PTPN11: variants seen among roughly 807,000 people sequenced by gnomAD.
PTPN11 encodes the protein protein tyrosine phosphatase non-receptor type 11, also known as tyrosine-protein phosphatase non-receptor type 11.
Under a neutral mutation model 78.8 loss-of-function variants are expected in PTPN11, and 6 were observed. The observed-to-expected ratio is 0.08, with a 90% confidence interval of 0.04 to 0.15. PTPN11 has a LOEUF of 0.15. PTPN11 is among the 10% of genes least tolerant of loss of function. The probability of loss-of-function intolerance (pLI) is 1.00; values close to 1 mark genes in which losing one functional copy is unlikely to be tolerated. For synonymous variants in PTPN11, 221 were observed against 263.5 expected (o/e 0.84, Z 1.56); for missense variants, 386 against 744.8 (o/e 0.52, Z 5.61).
At chr12:112,457,887 C>G (rs188002020) in intron 6 of PTPN11, among the ~76,000 whole-genome samples, 1 of 152,306 alleles carries the variant, frequency 6.6e-6, no homozygotes, top group African/African-American at 2.4e-5. Context: ...CAGTTGTCCC[C>G]AGCATGTAGC....
At chr12:112,445,919 C>T (rs1218826624) in intron 1 of PTPN11, among the ~76,000 whole-genome samples, 1 of 152,118 alleles carries the variant, frequency 6.6e-6, no homozygotes, top group Non-Finnish European at 1.5e-5. Context: ...GGATTACAGG[C>T]GTGAGCCACC....
intron 6 of PTPN11, among the ~76,000 whole-genome samples, chr12:112,461,234 T>G (rs2038241714): frequency 1.3e-5 from 2 of 152,214 alleles, no homozygotes; most frequent in African/African-American, 4.8e-5. Context: ...TATTGTAATT[T>G]TATCATTCTT....
chr12:112,450,628 A>G, intron 3 of PTPN11, 116 bp downstream of exon 3: 2 of 1,008,578 alleles, frequency 2.0e-6, no homozygotes, highest in Non-Finnish European at 3.1e-6. Context: ...CTGTTTTTTG[A>G]GCTGTAATCT....
At chr12:112,462,675 G>A (rs2038266378) in intron 6 of PTPN11, among the ~76,000 whole-genome samples, 4 of 152,038 alleles carry the variant, frequency 2.6e-5, no homozygotes, top group Admixed American at 2.6e-4. Flanking sequence ...TTAAACAGTA[G>A]CATAACTTTA....
intron 5 of PTPN11, 145 bp from the exon 6 acceptor site, chr12:112,455,803 CTT>C: frequency 3.1e-6 from 2 of 647,580 alleles, no homozygotes; most frequent in Non-Finnish European, 5.6e-6. Flanking sequence ...GATTTGAAAA[CTT>C]TTATTGTGAA....
At chr12:112,453,486 T>C (rs544238988) in intron 4 of PTPN11, 99 bp downstream of exon 4, 26 of 920,430 alleles carry the variant, frequency 2.8e-5, no homozygotes, top group Non-Finnish European at 4.2e-5. Flanking sequence ...AGTCAGATTG[T>C]CTTTTATTTA....
chr12:112,444,890 C>A (rs1265097350), intron 1 of PTPN11, among the ~76,000 whole-genome samples: 1 of 152,060 alleles, frequency 6.6e-6, no homozygotes, highest in African/African-American at 2.4e-5. Context: ...TTTTACTGCC[C>A]CAACGCTGGG....
rs1592865651 is a variant in PTPN11 at position 112,506,897 on chromosome 12, T to A, written c.*1105T>A. On this transcript the variant is annotated 3_prime_UTR_variant, in exon 16 of 16. Transcript: ENST00000351677. The stretch of plus-strand genomic sequence containing the variant: ...CAAAAGCAGAAATGGCCAGGCCTTC[T>A]GAAAACTTAAGTCCAGAATTGTCAC... 5.1e-6 allele frequency: 1 copy of A among 195,884 alleles called. No individual in the cohort carries two copies. Among genetic ancestry groups the A allele is most frequent in the East Asian group, 1.6e-4 (1 of 6,232 alleles). 12.1% of individuals were successfully genotyped at this position (195,884 alleles called of 1,614,324 possible).
chr12:112,484,948 C>T (rs2038651412), intron 10 of PTPN11, among the ~76,000 whole-genome samples: 1 of 151,328 alleles, frequency 6.6e-6, no homozygotes, highest in Admixed American at 6.6e-5. Context: ...GAAAAGTGTC[C>T]TTTTACATCC....
rs1260386432 is a variant in PTPN11 at position 112,482,129 on chromosome 12, T to C, written c.1148T>C (p.Met383Thr). 1.2e-6 allele frequency: 2 copies of C among 1,601,580 alleles called. No individual in the cohort carries two copies. The highest frequency in any genetic ancestry group is 2.2e-5 in the East Asian group (1 of 44,800). ...DEYALKEYGV[M>T]RVRNVKESAA... ...TATGCTCTAAAAGAATATGGCGTCATGCGTGTTAGGAACGTCAAAGAAAGC... is the reference window on the plus strand; with the variant it reads ...TATGCTCTAAAAGAATATGGCGTCACGCGTGTTAGGAACGTCAAAGAAAGC... Residue 383 changes from methionine to threonine, a missense_variant, in exon 10 of 16, where the codon ATG (methionine) becomes ACG (threonine). Met to Thr is a moderately conservative substitution (Grantham distance 81, BLOSUM62 -1). Coordinates refer to ENST00000351677, the MANE Select transcript of PTPN11 (RefSeq NM_002834.5). This position sits in a 1 kb window ranked among gnomAD's most constrained non-coding sequence, Gnocchi z 4.4.
At chr12:112,487,692 A>T (rs1566186191) in intron 11 of PTPN11, among the ~76,000 whole-genome samples, 1 of 151,978 alleles carries the variant, frequency 6.6e-6, no homozygotes, top group Non-Finnish European at 1.5e-5. Context: ...TAAAGAAGCT[A>T]CCATTTATTG....
intron 1 of PTPN11, among the ~76,000 whole-genome samples, chr12:112,437,342 T>TA: frequency 6.6e-6 from 1 of 151,910 alleles, no homozygotes; most frequent in Admixed American, 6.6e-5. Context: ...ATTTTTTTTT[T>TA]AGTACAGATG....
chr12:112,479,606 C>T (rs1178703706), intron 9 of PTPN11, among the ~76,000 whole-genome samples: 1 of 152,192 alleles, frequency 6.6e-6, no homozygotes, highest in Admixed American at 6.5e-5. Flanking sequence ...CCAATGAAAA[C>T]ATCTTTGTAG....
rs1203723771 is a variant in PTPN11 at position 112,486,510 on chromosome 12, T to C, written c.1260T>C (p.Phe420=). The C allele has an allele frequency of 6.2e-7, 1 of 1,614,080 alleles. No homozygotes were observed. The highest frequency in any genetic ancestry group is 8.5e-7 in the Non-Finnish European group (1 of 1,180,030). The change falls in exon 11 of 16, where the codon TTT becomes TTC. Residue 420 remains phenylalanine (F), a synonymous_variant. Coordinates refer to ENST00000351677, the MANE Select transcript of PTPN11 (RefSeq NM_002834.5). ...AGAGAACGGTCTGGCAATACCACTTTCGGACCTGGCCGGACCACGGCGTGC... is the reference window on the plus strand; with the variant it reads ...AGAGAACGGTCTGGCAATACCACTTCCGGACCTGGCCGGACCACGGCGTGC... ...NTERTVWQYH[F]RTWPDHGVPS... is the part of the protein sequence containing the mutation.
intron 2 of PTPN11, among the ~76,000 whole-genome samples, chr12:112,447,623 C>T (rs552404530): frequency 2.6e-5 from 4 of 152,030 alleles, no homozygotes; most frequent in Non-Finnish European, 4.4e-5. Context: ...TCTCAGCCTC[C>T]GGAGTGGCTG....
chr12:112,490,693 C>G (rs554793052), intron 13 of PTPN11, among the ~76,000 whole-genome samples: 2 of 152,298 alleles, frequency 1.3e-5, no homozygotes, highest in South Asian at 4.1e-4. Flanking sequence ...ACAACCCTCC[C>G]ACTTTGGGTT....
intron 1 of PTPN11, among the ~76,000 whole-genome samples, chr12:112,434,346 A>C (rs2037757144): frequency 6.6e-6 from 1 of 152,146 alleles, no homozygotes; most frequent in South Asian, 2.1e-4. Context: ...GCAGTGGCTC[A>C]CACCTGTAAT....
At chr12:112,446,545 C>T in intron 2 of PTPN11, 147 bp downstream of exon 2, 4 of 1,129,244 alleles carry the variant, frequency 3.5e-6, no homozygotes, top group Non-Finnish European at 5.3e-6. Flanking sequence ...GGAGTGGCCT[C>T]CTGGACATTT....
chr12:112,445,930 G>A (rs2037987070), intron 1 of PTPN11, among the ~76,000 whole-genome samples: 1 of 152,074 alleles, frequency 6.6e-6, no homozygotes, highest in African/African-American at 2.4e-5. Context: ...GTGAGCCACC[G>A]TGCCCTGCCT....
Sources: allele counts gnomAD v4.1 joint callset (sites outside exome capture counted in the v4.1 genomes callset), GRCh38; gene constraint gnomAD v4.1.1; non-coding constraint Gnocchi (gnomAD v3.1); transcripts MANE v1.5; gene names NCBI Gene and HGNC (gene_info 2026-07-23, HGNC 2026-07-21).